The following PATJ variants were observed in gnomAD, a reference collection of about 807,000 sequenced individuals.
PATJ encodes PATJ crumbs cell polarity complex component.
A neutral mutation model predicts 224.9 loss-of-function variants in PATJ; 190 were observed. That is an observed-to-expected ratio of 0.84 (90% confidence interval 0.75 to 0.95). PATJ has a LOEUF of 0.95. Ranked by LOEUF, PATJ falls within the 40% of genes least tolerant of loss-of-function variation. The pLI, the probability that PATJ is intolerant of heterozygous loss-of-function variation, is 0.00. For synonymous variants in PATJ, 769 were observed against 820.3 expected, an observed-to-expected ratio of 0.94 and a Z score of 1.07; for missense variants, 2,121 against 2,270.3, an observed-to-expected ratio of 0.93 and a Z score of 1.34.
intron 21 of PATJ, among the ~76,000 whole-genome samples, chr1:61,881,841 T>A (rs1223183325): frequency 6.6e-6 from 1 of 152,192 alleles, no homozygotes; most frequent in African/African-American, 2.4e-5. Flanking sequence ...AAAGCTCCTT[T>A]ACGAGATTAT....
rs1410706437 is a variant in PATJ at position 62,106,182 on chromosome 1, A to ATATATATATATC, written c.4378-2250_4378-2249insATATATCTATAT. ...TGTATATATATATATATATATATATATATATGGCTGGGCACAGCGGCTCAT... is the reference window on the plus strand; with the variant it reads ...TGTATATATATATATATATATATATATATATATATATCTATATGGCTGGGCACAGCGGCTCAT... On this transcript the variant is annotated intron_variant, in intron 33 of 43. Transcript: ENST00000642238. Among the ~76,000 whole-genome samples the ATATATATATATC allele has an allele frequency of 4.2e-3, 459 of 108,046 alleles. 10 individuals are homozygous for ATATATATATATC. The highest frequency in any genetic ancestry group is 0.015 in the African/African-American group (441 of 29,574). 70.9% of individuals were successfully genotyped at this position (108,046 alleles called of 152,430 possible). A position where few individuals can be genotyped will look rare whatever the true frequency, so the allele number is the denominator to read the frequency against.
At chr1:62,015,747 C>T (rs950418693) in intron 28 of PATJ, among the ~76,000 whole-genome samples, 1 of 152,078 alleles carries the variant, frequency 6.6e-6, no homozygotes, top group Non-Finnish European at 1.5e-5. Context: ...GACAGAGTCT[C>T]AGTCTGTCAC....
At chr1:61,817,402 G>A (rs4418641) in intron 14 of PATJ, among the ~76,000 whole-genome samples, 56,648 of 151,936 alleles carry the variant, frequency 0.37, 12,191 homozygotes, top group Middle Eastern at 0.54. Flanking sequence ...GGTGGCTCAC[G>A]CCTGTAATCC....
At chr1:61,925,589 A>C (rs938746007) in intron 26 of PATJ, among the ~76,000 whole-genome samples, 10 of 152,198 alleles carry the variant, frequency 6.6e-5, no homozygotes, top group African/African-American at 2.2e-4. Context: ...ATGGGCTTAA[A>C]CAGCTCATGA....
At chr1:62,094,967 C>G (rs768360797) in intron 33 of PATJ, among the ~76,000 whole-genome samples, 5 of 152,104 alleles carry the variant, frequency 3.3e-5, no homozygotes, top group Non-Finnish European at 7.3e-5. Context: ...TTTTTTAAAA[C>G]TATGATTTCA....
rs1398522054 is a variant in PATJ, at chr1:61,775,234, A to C, written c.749A>C (p.Glu250Ala). Reference protein sequence around the residue: ...TVCWGHVEEVELINDGSGLGF... With the variant: ...TVCWGHVEEVALINDGSGLGF... ...TGTTGGGGCCATGTTGAAGAGGTTG[A>C]GCTCATTAATGATGGCTCTGGACTA... Residue 250 changes from glutamate to alanine, a missense_variant, in exon 7 of 44, where the codon GAG (glutamate) becomes GCG (alanine). Glu to Ala is a moderately radical substitution (Grantham distance 107, BLOSUM62 -1). Transcript: ENST00000642238. The C allele has an allele frequency of 4.3e-6, 7 of 1,613,304 alleles. No homozygotes were observed. Among genetic ancestry groups the C allele is most frequent in the Non-Finnish European group, 5.9e-6 (7 of 1,179,708 alleles).
chr1:61,998,492 G>A (rs554201165), intron 28 of PATJ, among the ~76,000 whole-genome samples: 2 of 152,150 alleles, frequency 1.3e-5, no homozygotes, highest in Admixed American at 1.3e-4. Context: ...CTCCCAAAGG[G>A]CTGGAATTAC....
At chr1:62,100,786 C>A (rs867152876) in intron 33 of PATJ, among the ~76,000 whole-genome samples, 5 of 152,172 alleles carry the variant, frequency 3.3e-5, no homozygotes, top group Non-Finnish European at 7.4e-5. Flanking sequence ...AGCCTCTGTC[C>A]TGAAGGCTTC....
chr1:61,869,956 C>T (rs917310180), intron 20 of PATJ, among the ~76,000 whole-genome samples: 2 of 152,218 alleles, frequency 1.3e-5, no homozygotes, highest in Non-Finnish European at 2.9e-5. Flanking sequence ...CCCGAAGCCC[C>T]AGTGGGCGTG....
At chr1:61,829,103 G>T (rs536319113) in intron 16 of PATJ, among the ~76,000 whole-genome samples, 3 of 152,288 alleles carry the variant, frequency 2.0e-5, no homozygotes, top group South Asian at 2.1e-4. Flanking sequence ...ATGTCCTGAA[G>T]TACATGAGAG....
In PATJ at chr1:61,769,366, T is replaced by C; in HGVS notation, c.468T>C (p.Asn156=). ...GTGTGGTGGCCCTCAGAAGTCAAAATCTCGGAAAAGTTGATATCTTCGTGA... is the reference window on the plus strand; with the variant it reads ...GTGTGGTGGCCCTCAGAAGTCAAAACCTCGGAAAAGTTGATATCTTCGTGA... ...GFSVVALRSQ[N]LGKVDIFVKD... is the part of the protein sequence containing the mutation. The change falls in exon 5 of 44, where the codon AAT becomes AAC. Residue 156 remains asparagine (N), a synonymous_variant. Coordinates refer to ENST00000642238, the MANE Select transcript of PATJ (RefSeq NM_001350145.3). 6.2e-7 allele frequency: 1 copy of C among 1,614,050 alleles called. No individual in the cohort carries two copies. The highest frequency in any genetic ancestry group is 1.1e-5 in the South Asian group (1 of 91,082).
intron 39 of PATJ, 146 bp downstream of exon 39, chr1:62,123,204 A>C (rs1665289062): frequency 1.7e-6 from 1 of 597,242 alleles, no homozygotes; most frequent in Non-Finnish European, 2.9e-6. Context: ...AACATCAATA[A>C]ATAGACTTAG....
chr1:61,967,652 G>C (rs765745037), intron 27 of PATJ, among the ~76,000 whole-genome samples: 45 of 152,154 alleles, frequency 3.0e-4, no homozygotes, highest in Non-Finnish European at 6.0e-4. Context: ...GACTGTTGCA[G>C]TATTAAATGA....
At chr1:62,104,211 G>C (rs1360295380) in intron 33 of PATJ, among the ~76,000 whole-genome samples, 1 of 151,888 alleles carries the variant, frequency 6.6e-6, no homozygotes, top group Non-Finnish European at 1.5e-5. Flanking sequence ...AATTTAGGAG[G>C]ATATCCAATG....
intron 27 of PATJ, among the ~76,000 whole-genome samples, chr1:61,976,356 G>C (rs1480791411): frequency 6.6e-6 from 1 of 151,974 alleles, no homozygotes; most frequent in Non-Finnish European, 1.5e-5. Flanking sequence ...TTCATTATCT[G>C]TAAGATGGGA....
chr1:61,968,266 T>G (rs1011120425), intron 27 of PATJ, among the ~76,000 whole-genome samples: 1 of 152,218 alleles, frequency 6.6e-6, no homozygotes, highest in Non-Finnish European at 1.5e-5. Context: ...ATAGATGCTT[T>G]CTTTCATTCG....
intron 1 of PATJ, among the ~76,000 whole-genome samples, chr1:61,744,494 A>G (rs1644925252): frequency 6.6e-6 from 1 of 152,130 alleles, no homozygotes; most frequent in South Asian, 2.1e-4. Context: ...TGGTATCTGC[A>G]ACTTTCACAA....
At chr1:62,146,651 C>A (rs1668070258) in intron 41 of PATJ, among the ~76,000 whole-genome samples, 1 of 151,992 alleles carries the variant, frequency 6.6e-6, no homozygotes, top group Admixed American at 6.6e-5. Context: ...GTGGCGGGTG[C>A]CTGTAATCCC....
intron 34 of PATJ, among the ~76,000 whole-genome samples, chr1:62,109,331 T>C (rs1419886389): frequency 2.0e-5 from 3 of 152,190 alleles, no homozygotes; most frequent in Non-Finnish European, 4.4e-5. Context: ...ATTTTATTTT[T>C]CCCTTTGGTG....
Sources: allele counts gnomAD v4.1 joint callset (sites outside exome capture counted in the v4.1 genomes callset), GRCh38; gene constraint gnomAD v4.1.1; transcripts MANE v1.5; gene names NCBI Gene and HGNC (gene_info 2026-07-23, HGNC 2026-07-21).